The following SYNPR variants were observed in gnomAD, a reference collection of about 807,000 sequenced individuals.
SYNPR encodes the protein synaptoporin.
In SYNPR, 23 loss-of-function variants were observed where a neutral mutation model predicts 32.9. The ratio of observed to expected loss-of-function variants is 0.70; its 90% CI spans 0.50 to 0.99. The LOEUF (loss-of-function observed/expected upper bound fraction) is 0.99, where lower values mean the gene tolerates loss of function less well. SYNPR is among the 50% of genes least tolerant of loss of function. The pLI is 0.00. For missense variants in SYNPR, 318 were observed against 349.3 expected (o/e 0.91, Z 0.71); for synonymous variants, 146 against 135.9 (o/e 1.07, Z -0.52).
chr3:63,452,257 G>A (rs377237985), intron 2 of SYNPR: 67 of 529,538 alleles, frequency 1.3e-4, no homozygotes, highest in East Asian at 8.3e-4. Context: ...ATGGTCTCAC[G>A]TAAGACTTGC....
At chr3:63,386,069 T>A (rs2088039685) in intron 2 of SYNPR, among the ~76,000 whole-genome samples, 1 of 152,200 alleles carries the variant, frequency 6.6e-6, no homozygotes, top group Non-Finnish European at 1.5e-5. Flanking sequence ...CAGTAATGCA[T>A]CAAGTACTAT....
At chr3:63,296,042 T>C (rs1156338193) in intron 2 of SYNPR, among the ~76,000 whole-genome samples, 2 of 152,176 alleles carry the variant, frequency 1.3e-5, no homozygotes, top group African/African-American at 4.8e-5. Flanking sequence ...ACCAGGCCTG[T>C]TGGGAGCCAG....
At position 63,429,415 on chromosome 3, in the gene SYNPR, G is replaced by C. The variant is rs1225940547; in HGVS notation, c.85-51417G>C. On this transcript the variant is annotated intron_variant, in intron 2 of 5. Coordinates refer to ENST00000478300, the MANE Select transcript of SYNPR (RefSeq NM_001130003.2). ...GTCATGAGATACCCAATTATTCTTA[G>C]CACTTCTGCTCACTCTGCGTATTAC... Among the ~76,000 whole-genome samples, 3 of 152,240 alleles carry C rather than the reference G, an allele frequency of 2.0e-5. No individual in the cohort carries two copies. In the East Asian group the frequency reaches 5.8e-4, roughly 29 times the overall value.
intron 2 of SYNPR, among the ~76,000 whole-genome samples, chr3:63,457,708 A>T (rs1000957890): frequency 1.3e-5 from 2 of 152,132 alleles, no homozygotes; most frequent in Non-Finnish European, 2.9e-5. Flanking sequence ...AAAGAGGGAG[A>T]AGGTCACCTG....
Position 63,398,806 on chromosome 3 carries a change from C to A in SYNPR, c.85-82026C>A, listed in dbSNP as rs111856599. Among the ~76,000 whole-genome samples the A allele has an allele frequency of 1.6e-3, 246 of 151,998 alleles. 4 individuals carry two copies. The highest frequency in any genetic ancestry group is 0.01 in the Middle Eastern group (3 of 294). On this transcript the variant is annotated intron_variant, in intron 2 of 5. Transcript: ENST00000478300. ...TAACTAAATGGTGGGAGAATCTAAA[C>A]CACAGTCCCTGAGGAATATCTGAGG...
At chr3:63,297,894 T>C (rs2086807407) in intron 2 of SYNPR, among the ~76,000 whole-genome samples, 1 of 152,000 alleles carries the variant, frequency 6.6e-6, no homozygotes, top group Non-Finnish European at 1.5e-5. Flanking sequence ...AATGTGAAAG[T>C]CTGAAAAACA....
At position 63,378,478 on chromosome 3, in the gene SYNPR, A is replaced by G. The variant is rs552128235; in HGVS notation, c.84+99736A>G. On this transcript the variant is annotated intron_variant, in intron 2 of 5. Transcript: ENST00000478300. Reference sequence around the variant, plus strand: ...CAGTTGAACATACTTGCTTTGGTCTATTTCTGGGTTCTCTACTGTATTCTA... The same window carrying G: ...CAGTTGAACATACTTGCTTTGGTCTGTTTCTGGGTTCTCTACTGTATTCTA... Among the ~76,000 whole-genome samples the G allele has an allele frequency of 2.1e-3, 314 of 152,026 alleles. 1 individual carries two copies. The highest frequency in any genetic ancestry group is 7.3e-3 in the African/African-American group (302 of 41,506).
At chr3:63,528,889 A>G (rs183536270) in intron 3 of SYNPR, among the ~76,000 whole-genome samples, 20 of 152,324 alleles carry the variant, frequency 1.3e-4, no homozygotes, top group Non-Finnish European at 2.5e-4. Flanking sequence ...AGAGGTATCA[A>G]TCATACTCCC....
In SYNPR at chr3:63,246,392, T is replaced by C. The variant is rs779709927; in HGVS notation, n.67-6107T>C. ...CATCCCTACATTCATTCTAGAAATATTTAGTGAGCACCTACTGTGTAGCAG... is the reference window on the plus strand; with the variant it reads ...CATCCCTACATTCATTCTAGAAATACTTAGTGAGCACCTACTGTGTAGCAG... On this transcript the variant is annotated intron_variant and non_coding_transcript_variant, in intron 1 of 4. Transcript: ENST00000478456. Among the ~76,000 whole-genome samples the C allele has an allele frequency of 5.0e-4, 76 of 152,196 alleles. 1 individual carries two copies. The Middle Eastern group carries it at 0.014, about 27-fold the overall frequency.
chr3:63,416,841 A>AACCTGCCCCC (rs2088548677), intron 2 of SYNPR, among the ~76,000 whole-genome samples: 1 of 151,996 alleles, frequency 6.6e-6, no homozygotes, highest in African/African-American at 2.4e-5. Context: ...GCACAGGAAA[A>AACCTGCCCCC]ACCTGCCCCC....
intron 2 of SYNPR, among the ~76,000 whole-genome samples, chr3:63,328,579 C>T (rs2087190848): frequency 6.6e-6 from 1 of 152,150 alleles, no homozygotes; most frequent in African/African-American, 2.4e-5. Flanking sequence ...TTGCTGGTGA[C>T]TAAGAATAGT....
intron 3 of SYNPR, among the ~76,000 whole-genome samples, chr3:63,527,031 C>A (rs779116167): frequency 1.1e-4 from 17 of 152,078 alleles, no homozygotes; most frequent in Non-Finnish European, 2.1e-4. Flanking sequence ...CGCCCAGAGA[C>A]AATCAGGAAA....
At chr3:63,456,788 A>C (rs1427749006) in intron 2 of SYNPR, among the ~76,000 whole-genome samples, 2 of 151,540 alleles carry the variant, frequency 1.3e-5, no homozygotes, top group African/African-American at 2.4e-5. Flanking sequence ...TGGTGAACCC[A>C]CTCTTCATCC....
intron 2 of SYNPR, among the ~76,000 whole-genome samples, chr3:63,335,897 C>T (rs2087287517): frequency 6.6e-6 from 1 of 151,020 alleles, no homozygotes. Context: ...CTGCCTCAGC[C>T]TCCCCAGTAG....
chr3:63,230,210 A>G (rs2086156603), intron 1 of SYNPR, among the ~76,000 whole-genome samples: 1 of 152,182 alleles, frequency 6.6e-6, no homozygotes, highest in African/African-American at 2.4e-5. Flanking sequence ...ATGAAATTTA[A>G]TATATATCTG....
upstream of SYNPR, among the ~76,000 whole-genome samples, chr3:63,275,380 G>A (rs912905258): frequency 2.6e-5 from 4 of 152,168 alleles, no homozygotes; most frequent in Admixed American, 1.3e-4. Flanking sequence ...ATACATTTCT[G>A]GAATAGGAAA....
At chr3:63,336,914 T>G (rs1246093022) in intron 2 of SYNPR, among the ~76,000 whole-genome samples, 1 of 152,014 alleles carries the variant, frequency 6.6e-6, no homozygotes, top group African/African-American at 2.4e-5. Flanking sequence ...AAAAACTGTA[T>G]AGACACCTAG....
At chr3:63,466,402 A>C (rs1055004609) in intron 2 of SYNPR, among the ~76,000 whole-genome samples, 2 of 150,548 alleles carry the variant, frequency 1.3e-5, no homozygotes, top group Non-Finnish European at 1.5e-5. Flanking sequence ...TCTCTCCTAT[A>C]TTCCCTATAA....
intron 2 of SYNPR, among the ~76,000 whole-genome samples, chr3:63,383,924 G>A (rs2088008218): frequency 6.6e-6 from 1 of 152,202 alleles, no homozygotes; most frequent in Non-Finnish European, 1.5e-5. Flanking sequence ...AACTATGTGT[G>A]GTGATGAATG....
Sources: allele counts gnomAD v4.1 joint callset (sites outside exome capture counted in the v4.1 genomes callset), GRCh38; gene constraint gnomAD v4.1.1; transcripts MANE v1.5; gene names NCBI Gene and HGNC (gene_info 2026-07-23, HGNC 2026-07-21).